Variants in NKAIN2 observed in about 807,000 individuals in gnomAD.
NKAIN2 encodes sodium/potassium transporting ATPase interacting 2.
In NKAIN2, 14 loss-of-function variants were observed where a neutral mutation model predicts 32.6. The ratio of observed to expected loss-of-function variants is 0.43; its 90% CI spans 0.28 to 0.67. NKAIN2 has a LOEUF of 0.67. NKAIN2 is among the 30% of genes least tolerant of loss of function. The probability of loss-of-function intolerance (pLI) is 0.17; values close to 1 mark genes in which losing one functional copy is unlikely to be tolerated. For synonymous variants in NKAIN2, 80 were observed against 87.2 expected, an observed-to-expected ratio of 0.92 and a Z score of 0.46; for missense variants, 198 against 258.3, an observed-to-expected ratio of 0.77 and a Z score of 1.60.
At chr6:124,192,966 G>T (rs887558099) in intron 1 of NKAIN2, among the ~76,000 whole-genome samples, 2 of 151,928 alleles carry the variant, frequency 1.3e-5, no homozygotes, top group Admixed American at 6.5e-5. Flanking sequence ...AGCCAGGATG[G>T]TCTCGACCTC....
rs1779728414 is a variant in NKAIN2 at position 124,791,205 on chromosome 6, T to C, written c.475-134T>C. The C allele has an allele frequency of 3.2e-5, 18 of 557,140 alleles. No individual in the cohort carries two copies. The South Asian group carries it at 5.3e-4, about 16-fold the overall frequency. 34.5% of individuals were successfully genotyped at this position (557,140 alleles called of 1,614,324 possible). A position where few individuals can be genotyped will look rare whatever the true frequency, so the allele number is the denominator to read the frequency against. On this transcript the variant is annotated intron_variant, in intron 4 of 6. Coordinates refer to ENST00000368417, the MANE Select transcript of NKAIN2 (RefSeq NM_001040214.3). ...TGAGGAATCCACACTGAAGTCAAGG[T>C]CCAGTCCGATGAGCCATGTTGGTTG...
At chr6:123,848,036 G>T in intron 1 of NKAIN2, among the ~76,000 whole-genome samples, 1 of 152,184 alleles carries the variant, frequency 6.6e-6, no homozygotes, top group East Asian at 1.9e-4. Flanking sequence ...TTAAATAGGA[G>T]ATATTCTTTA....
intron 1 of NKAIN2, among the ~76,000 whole-genome samples, chr6:124,260,594 A>C (rs1287731290): frequency 6.6e-6 from 1 of 152,096 alleles, no homozygotes; most frequent in Non-Finnish European, 1.5e-5. Context: ...ACAGGAGAGA[A>C]GGGGGTGGTG....
chr6:124,098,740 C>T (rs896766715), intron 1 of NKAIN2, among the ~76,000 whole-genome samples: 2 of 151,768 alleles, frequency 1.3e-5, no homozygotes, highest in Non-Finnish European at 2.9e-5. Context: ...AGTGGTGGCA[C>T]GTGTCTGTAG....
intron 1 of NKAIN2, among the ~76,000 whole-genome samples, chr6:124,118,193 C>G (rs759243920): frequency 3.9e-5 from 6 of 152,220 alleles, no homozygotes; most frequent in Middle Eastern, 6.8e-3. Context: ...TTCTTTAGAA[C>G]TGATACTCTC....
intron 1 of NKAIN2, among the ~76,000 whole-genome samples, chr6:124,262,119 T>C (rs1794282564): frequency 6.6e-6 from 1 of 152,170 alleles, no homozygotes; most frequent in South Asian, 2.1e-4. Flanking sequence ...GTTCCATAAA[T>C]GTTTATTGCA....
At chr6:123,999,994 T>C (rs1779804706) in intron 1 of NKAIN2, among the ~76,000 whole-genome samples, 1 of 152,154 alleles carries the variant, frequency 6.6e-6, no homozygotes, top group South Asian at 2.1e-4. Flanking sequence ...CTAAATTTAT[T>C]TAAATTAAGC....
chr6:124,122,437 T>C (rs1015092409), intron 1 of NKAIN2, among the ~76,000 whole-genome samples: 8 of 152,092 alleles, frequency 5.3e-5, no homozygotes, highest in African/African-American at 1.9e-4. Context: ...TTAGACTGAC[T>C]TCAGAGAGGA....
At chr6:123,850,339 G>T (rs1373995271) in intron 1 of NKAIN2, among the ~76,000 whole-genome samples, 2 of 101,066 alleles carry the variant, frequency 2.0e-5, no homozygotes, top group East Asian at 2.8e-4. Context: ...CTTGCAAGCT[G>T]CTGAAAAAAA....
At chr6:124,295,138 G>C (rs536544781) in intron 2 of NKAIN2, among the ~76,000 whole-genome samples, 1 of 152,106 alleles carries the variant, frequency 6.6e-6, no homozygotes, top group Non-Finnish European at 1.5e-5. Context: ...TGTTTTGAAA[G>C]GTTAGTGTTT....
chr6:124,711,553 C>CTTCAT (rs1304055631), intron 4 of NKAIN2, among the ~76,000 whole-genome samples: 2 of 151,008 alleles, frequency 1.3e-5, no homozygotes, highest in African/African-American at 4.9e-5. Context: ...TCCCTTCTCG[C>CTTCAT]TTCATTTCAT....
At chr6:123,895,141 CTTCTCTCTTTCCTCAG>C (rs1249323333) in intron 1 of NKAIN2, among the ~76,000 whole-genome samples, 1 of 150,928 alleles carries the variant, frequency 6.6e-6, no homozygotes, top group African/African-American at 2.4e-5. Flanking sequence ...CCTTCCCTTT[CTTCTCTCTTTCCTCAG>C]TTCTCTCTTT....
intron 1 of NKAIN2, among the ~76,000 whole-genome samples, chr6:123,806,475 C>T (rs138096353): frequency 0.027 from 4,048 of 152,046 alleles, 99 homozygotes; most frequent in African/African-American, 0.031. Context: ...TTTGGAAATA[C>T]GGTATTTGAT....
chr6:124,064,794 T>G (rs903879692), intron 1 of NKAIN2, among the ~76,000 whole-genome samples: 20 of 152,176 alleles, frequency 1.3e-4, no homozygotes, highest in African/African-American at 4.6e-4. Context: ...AAATACTCTT[T>G]TATCTTGTTT....
intron 1 of NKAIN2, among the ~76,000 whole-genome samples, chr6:123,993,457 T>G (rs757557017): frequency 6.6e-6 from 1 of 152,198 alleles, no homozygotes; most frequent in East Asian, 1.9e-4. Flanking sequence ...AAAAGGACAC[T>G]TTCTTTTCAG....
intron 2 of NKAIN2, among the ~76,000 whole-genome samples, chr6:124,334,905 T>C (rs931365081): frequency 2.6e-5 from 4 of 152,190 alleles, no homozygotes; most frequent in African/African-American, 9.6e-5. Context: ...AATGAACAGC[T>C]TGGAAGTTAG....
chr6:124,247,375 G>T (rs1162165289), intron 1 of NKAIN2, among the ~76,000 whole-genome samples: 1 of 152,116 alleles, frequency 6.6e-6, no homozygotes, highest in East Asian at 1.9e-4. Flanking sequence ...TCTCTGAAAT[G>T]ATTTCACAAG....
chr6:124,563,667 T>A (rs1172965215), intron 3 of NKAIN2, among the ~76,000 whole-genome samples: 5 of 152,140 alleles, frequency 3.3e-5, no homozygotes, highest in African/African-American at 9.7e-5. Flanking sequence ...TATTTGATTG[T>A]TTGTTTCTGA....
At chr6:124,139,720 A>T (rs1787042018) in intron 1 of NKAIN2, among the ~76,000 whole-genome samples, 1 of 152,118 alleles carries the variant, frequency 6.6e-6, no homozygotes, top group African/African-American at 2.4e-5. Flanking sequence ...GTCTTAATAT[A>T]TTTTTTTCCT....
Sources: gnomAD v4.1 joint callset for allele counts (sites outside exome capture counted in the v4.1 genomes callset) on GRCh38, gnomAD v4.1.1 for gene constraint, MANE v1.5 for transcripts, NCBI Gene and HGNC (gene_info 2026-07-23, HGNC 2026-07-21) for gene names.